The following SELENOT variants were observed in gnomAD, a reference collection of about 807,000 sequenced individuals.
SELENOT encodes selenoprotein T.
Under a neutral mutation model 24.3 loss-of-function variants are expected in SELENOT, and 9 were observed. The ratio of observed to expected loss-of-function variants is 0.37; its 90% CI spans 0.22 to 0.65. The LOEUF (loss-of-function observed/expected upper bound fraction) is 0.65. Ranked by LOEUF, SELENOT falls within the 30% of genes least tolerant of loss-of-function variation. The probability of loss-of-function intolerance (pLI) is 0.60; values close to 1 mark genes in which losing one functional copy is unlikely to be tolerated. For synonymous variants in SELENOT, 81 were observed against 86.0 expected, an observed-to-expected ratio of 0.94 and a Z score of 0.32; for missense variants, 166 against 247.6, an observed-to-expected ratio of 0.67 and a Z score of 2.21.
At chr3:150,627,279 G>T in intron 5 of SELENOT, 116 bp downstream of exon 5, 1 of 786,184 alleles carries the variant, frequency 1.3e-6, no homozygotes, top group Non-Finnish European at 1.9e-6. Flanking sequence ...TTAAACAGAG[G>T]GATGTATTCT....
rs550316248 is a variant in SELENOT at position 150,603,356 on chromosome 3, A to C, written c.-7A>C. Reference sequence around the variant, plus strand: ...TGAGGGCGGCCGAAGTGGCTGGCTCATTTAAGATGAGGCTTCTGCTGCTTC... The same window carrying C: ...TGAGGGCGGCCGAAGTGGCTGGCTCCTTTAAGATGAGGCTTCTGCTGCTTC... On this transcript the variant is annotated 5_prime_UTR_variant, in exon 1 of 6. Coordinates refer to ENST00000471696, the MANE Select transcript of SELENOT (RefSeq NM_016275.5). 1.9e-6 allele frequency: 3 copies of C among 1,608,980 alleles called. No homozygotes were observed. The highest frequency in any genetic ancestry group is 2.5e-6 in the Non-Finnish European group (3 of 1,176,734).
intron 1 of SELENOT, among the ~76,000 whole-genome samples, chr3:150,604,114 A>C (rs569076546): frequency 1.6e-4 from 24 of 152,252 alleles, no homozygotes; most frequent in Admixed American, 5.9e-4. Flanking sequence ...TGCCATTTCC[A>C]AAGTGTCAGA....
intron 4 of SELENOT, among the ~76,000 whole-genome samples, 190 bp downstream of exon 4, chr3:150,625,089 C>A: frequency 6.6e-6 from 1 of 150,850 alleles, no homozygotes; most frequent in African/African-American, 2.4e-5. Flanking sequence ...TAATTTGCTC[C>A]CTCAACTTAA....
At chr3:150,619,220 CAAAA>C (rs761458301) in intron 1 of SELENOT, among the ~76,000 whole-genome samples, 3 of 80,492 alleles carry the variant, frequency 3.7e-5, no homozygotes, top group African/African-American at 9.6e-5. Context: ...GACTCCGTCT[CAAAA>C]AAAAAAAAAA....
At chr3:150,616,449 C>T (rs1490201688) in intron 1 of SELENOT, among the ~76,000 whole-genome samples, 3 of 146,720 alleles carry the variant, frequency 2.0e-5, no homozygotes, top group Admixed American at 6.8e-5. Context: ...ACAACCTACT[C>T]ATCTGACAAA....
At chr3:150,612,282 A>G (rs1726113218) in intron 1 of SELENOT, among the ~76,000 whole-genome samples, 1 of 152,032 alleles carries the variant, frequency 6.6e-6, no homozygotes, top group Non-Finnish European at 1.5e-5. Flanking sequence ...TAGTAGAGAC[A>G]GGGTTTCGGC....
intron 1 of SELENOT, among the ~76,000 whole-genome samples, chr3:150,604,330 C>T (rs1725909369): frequency 6.6e-6 from 1 of 152,018 alleles, no homozygotes; most frequent in African/African-American, 2.4e-5. Context: ...GCATTTTATA[C>T]GGTAAGTGGG....
At chr3:150,625,284 A>C (rs1400205153) in intron 4 of SELENOT, among the ~76,000 whole-genome samples, 1 of 152,120 alleles carries the variant, frequency 6.6e-6, no homozygotes, top group East Asian at 1.9e-4. Context: ...AATCTTAAAC[A>C]TAACCTACTC....
chr3:150,604,538 C>T (rs1022367585), intron 1 of SELENOT, among the ~76,000 whole-genome samples: 4 of 152,092 alleles, frequency 2.6e-5, no homozygotes, highest in African/African-American at 9.7e-5. Flanking sequence ...CATTTAAAAC[C>T]TTCTTTTAAG....
chr3:150,603,410 G>A lies in SELENOT; in HGVS notation c.48G>A (p.Arg16=), dbSNP rs771895976. Residue 16 remains arginine (R), a synonymous_variant, in exon 1 of 6, where the codon CGG becomes CGA. Coordinates refer to ENST00000471696, the MANE Select transcript of SELENOT (RefSeq NM_016275.5). Reference sequence around the variant, plus strand: ...TAGTGGCGGCGTCTGCGATGGTCCGGAGCGAGGCCTCGGCCAATCTGGGCG... The same window carrying A: ...TAGTGGCGGCGTCTGCGATGGTCCGAAGCGAGGCCTCGGCCAATCTGGGCG... ...LLLVAASAMV[R]SEASANLGGV... is the part of the protein sequence containing the mutation. The A allele has an allele frequency of 2.5e-6, 4 of 1,613,298 alleles. No homozygotes were observed. In the Middle Eastern group the frequency reaches 5.0e-4, roughly 200 times the overall value.
At chr3:150,622,992 G>T in intron 2 of SELENOT, 51 bp from the exon 3 acceptor site, 1 of 1,436,480 alleles carries the variant, frequency 7.0e-7, no homozygotes, top group Non-Finnish European at 9.2e-7. Flanking sequence ...AAATTTTAAA[G>T]TAGATTGGAA....
intron 4 of SELENOT, among the ~76,000 whole-genome samples, chr3:150,625,738 A>G (rs1404788925): frequency 6.6e-6 from 1 of 152,178 alleles, no homozygotes; most frequent in African/African-American, 2.4e-5. Flanking sequence ...AAAAATTTGT[A>G]GAAATTTATC....
chr3:150,608,720 G>T (rs1240880687), intron 1 of SELENOT, among the ~76,000 whole-genome samples: 1 of 150,230 alleles, frequency 6.7e-6, no homozygotes, highest in Non-Finnish European at 1.5e-5. Flanking sequence ...GTAGTAGAGT[G>T]TTACCATTAA....
At chr3:150,615,233 T>TA (rs1726185348) in intron 1 of SELENOT, among the ~76,000 whole-genome samples, 1 of 151,944 alleles carries the variant, frequency 6.6e-6, no homozygotes, top group African/African-American at 2.4e-5. Context: ...CCAAGGTGTA[T>TA]ATGTGCCACA....
At chr3:150,610,448 T>A (rs1399881278) in intron 1 of SELENOT, among the ~76,000 whole-genome samples, 1 of 152,234 alleles carries the variant, frequency 6.6e-6, no homozygotes, top group Non-Finnish European at 1.5e-5. Context: ...TCAATCAGTC[T>A]ATTAGACTGG....
At chr3:150,617,875 C>G (rs1373102239) in intron 1 of SELENOT, among the ~76,000 whole-genome samples, 1 of 128,916 alleles carries the variant, frequency 7.8e-6, no homozygotes, top group Non-Finnish European at 1.7e-5. Context: ...GACAGTCTCA[C>G]TGTCTCCCAG....
intron 1 of SELENOT, among the ~76,000 whole-genome samples, chr3:150,617,919 C>T (rs981087524): frequency 3.3e-5 from 5 of 152,028 alleles, no homozygotes; most frequent in Admixed American, 6.6e-5. Flanking sequence ...TGCAGTGGTG[C>T]GGTATTGGCT....
At chr3:150,618,490 A>G (rs1726268137) in intron 1 of SELENOT, among the ~76,000 whole-genome samples, 1 of 152,214 alleles carries the variant, frequency 6.6e-6, no homozygotes, top group Non-Finnish European at 1.5e-5. Flanking sequence ...TTAGCAGCAA[A>G]TGTAATAGAG....
Position 150,627,037 on chromosome 3 carries a change from C to G in SELENOT, c.491C>G (p.Ser164Cys). Reference sequence around the variant, plus strand: ...GTACCTGTGTGGTCTAAGCTGGAATCTGGTCACCTTCCATCCATGCAACAA... The same window carrying G: ...GTACCTGTGTGGTCTAAGCTGGAATGTGGTCACCTTCCATCCATGCAACAA... ...NDVPVWSKLESGHLPSMQQLV... is the reference protein window; with the variant it reads ...NDVPVWSKLECGHLPSMQQLV... The change falls in exon 5 of 6, where the codon TCT becomes TGT. Residue 164 changes from serine (S) to cysteine (C), a missense_variant. By Grantham distance (112) the Ser-to-Cys change is moderately radical. Around this residue, in one of 5 missense-constraint regions of SELENOT, gnomAD observed 44 missense variants for 72.2 expected, o/e 0.61. Coordinates refer to ENST00000471696, the MANE Select transcript of SELENOT (RefSeq NM_016275.5). The G allele has an allele frequency of 4.3e-6, 7 of 1,613,234 alleles. No individual in the cohort carries two copies. Among genetic ancestry groups the G allele is most frequent in the Non-Finnish European group, 5.1e-6 (6 of 1,179,758 alleles).
Sources: gnomAD v4.1 joint callset for allele counts (sites outside exome capture counted in the v4.1 genomes callset) on GRCh38, gnomAD v4.1.1 for gene constraint, gnomAD v4.1.1 regional missense constraint, MANE v1.5 for transcripts, NCBI Gene and HGNC (gene_info 2026-07-23, HGNC 2026-07-21) for gene names.